RYR2: variants seen among roughly 807,000 people sequenced by gnomAD.
RYR2 encodes the protein ryanodine receptor 2.
Under a neutral mutation model 601.1 loss-of-function variants are expected in RYR2, and 227 were observed. The ratio of observed to expected loss-of-function variants is 0.38; its 90% confidence interval spans 0.34 to 0.42. The LOEUF is 0.42. Among genes scored for constraint, RYR2 ranks in the 10% least tolerant of loss-of-function variants. The pLI is 1.00. For synonymous variants in RYR2, 2,223 were observed against 2,175.1 expected, an observed-to-expected ratio of 1.02 and a Z score of -0.61; for missense variants, 4,646 against 6,156.5, an observed-to-expected ratio of 0.75 and a Z score of 8.21.
chr1:237,204,515 A>G (rs1433553598), intron 1 of RYR2, among the ~76,000 whole-genome samples: 5 of 146,818 alleles, frequency 3.4e-5, no homozygotes, highest in South Asian at 2.1e-4. Context: ...AAAAAAAAAA[A>G]AAAGAAAGAA....
chr1:237,615,690 C>A (rs1384403205), intron 37 of RYR2, among the ~76,000 whole-genome samples: 1 of 152,146 alleles, frequency 6.6e-6, no homozygotes, highest in Admixed American at 6.5e-5. Flanking sequence ...AGGGGAAACA[C>A]AAGTGAACCC....
At chr1:237,823,231 C>A (rs966023571) in intron 101 of RYR2, among the ~76,000 whole-genome samples, 6 of 152,202 alleles carry the variant, frequency 3.9e-5, no homozygotes, top group African/African-American at 1.4e-4. Flanking sequence ...AATATACATT[C>A]TTCTCAGCAC....
intron 27 of RYR2, among the ~76,000 whole-genome samples, chr1:237,565,157 C>CTCTT (rs771045857): frequency 0.016 from 851 of 52,768 alleles, 14 homozygotes; most frequent in Middle Eastern, 0.039. Context: ...TTCTTTCTTT[C>CTCTT]TCTTTCTTTC....
chr1:237,769,185 A>G (rs1047808807), intron 84 of RYR2, among the ~76,000 whole-genome samples: 1 of 152,206 alleles, frequency 6.6e-6, no homozygotes, highest in African/African-American at 2.4e-5. Flanking sequence ...GGAAAGAATC[A>G]ATAAGCCTAT....
chr1:237,454,391 G>T lies in RYR2; in HGVS notation c.1293G>T (p.Arg431Ser). ...STVFLFNRFI[R>S]GLDALSKKAK... ...GAGAAATGTTTATGGTTTATTTTAGGGGCCTTGATGCTCTCAGCAAGAAAG... is the reference window on the plus strand; with the variant it reads ...GAGAAATGTTTATGGTTTATTTTAGTGGCCTTGATGCTCTCAGCAAGAAAG... The change falls in exon 15 of 105, where the codon AGG (arginine) becomes AGT (serine). Residue 431 changes from arginine to serine, a missense_variant and splice_region_variant. Arg to Ser is a moderately radical substitution (Grantham distance 110). Transcript: ENST00000366574. 6.3e-7 allele frequency: 1 copy of T among 1,594,270 alleles called. No individual in the cohort carries two copies. Among genetic ancestry groups the T allele is most frequent in the Non-Finnish European group, 8.5e-7 (1 of 1,172,636 alleles).
chr1:237,201,749 G>C (rs1681217492), intron 1 of RYR2, among the ~76,000 whole-genome samples: 1 of 152,088 alleles, frequency 6.6e-6, no homozygotes, highest in African/African-American at 2.4e-5. Context: ...TCCTCCTGTG[G>C]CTCTCTGATG....
chr1:237,224,060 A>G (rs1411486591), intron 1 of RYR2, among the ~76,000 whole-genome samples: 2 of 152,204 alleles, frequency 1.3e-5, no homozygotes, highest in Non-Finnish European at 2.9e-5. Flanking sequence ...CTTGTGGGAC[A>G]AGATAATAGT....
intron 14 of RYR2, among the ~76,000 whole-genome samples, chr1:237,451,343 C>CG (rs1658086717): frequency 6.6e-6 from 1 of 151,682 alleles, no homozygotes; most frequent in Admixed American, 6.6e-5. Context: ...AGGCTGAAGC[C>CG]GGCACATCAC....
Position 237,659,972 on chromosome 1 carries a change from G to C in RYR2, c.8209-13G>C, listed in dbSNP as rs759582222. 12 of 1,552,798 alleles carry C rather than the reference G, an allele frequency of 7.7e-6. No individual in the cohort carries two copies. In the Admixed American group the frequency reaches 2.4e-4, roughly 30 times the overall value. ...ACGTGTAAAACAATTTTTAATGTTTGCCTTTTTTTAAGTTGGCAAATGGAT... is the reference window on the plus strand; with the variant it reads ...ACGTGTAAAACAATTTTTAATGTTTCCCTTTTTTTAAGTTGGCAAATGGAT... On this transcript the variant is annotated splice_polypyrimidine_tract_variant and intron_variant, in intron 54 of 104. Transcript: ENST00000366574.
chr1:237,510,201 A>G (rs1194745928), intron 23 of RYR2, among the ~76,000 whole-genome samples: 5 of 152,188 alleles, frequency 3.3e-5, no homozygotes, highest in Admixed American at 6.5e-5. Flanking sequence ...GGCGACTCAG[A>G]GCCCCGCAGT....
At chr1:237,706,588 C>T (rs937433796) in intron 67 of RYR2, among the ~76,000 whole-genome samples, 10 of 151,986 alleles carry the variant, frequency 6.6e-5, no homozygotes, top group Admixed American at 5.2e-4. Context: ...TTGGTGGAGC[C>T]GTGAGTGGGG....
intron 62 of RYR2, 84 bp from the exon 63 acceptor site, chr1:237,687,371 T>C: frequency 1.6e-6 from 1 of 623,150 alleles, no homozygotes; most frequent in Non-Finnish European, 2.6e-6. Flanking sequence ...TTCTTCTTTT[T>C]TTTTTTTTTT....
chr1:237,805,913 T>C (rs1480197061), intron 98 of RYR2, among the ~76,000 whole-genome samples: 1 of 152,186 alleles, frequency 6.6e-6, no homozygotes, highest in Non-Finnish European at 1.5e-5. Context: ...ACTTTGTATC[T>C]TTTAACAAAT....
intron 41 of RYR2, among the ~76,000 whole-genome samples, chr1:237,630,368 G>T (rs1438741659): frequency 6.6e-6 from 1 of 152,058 alleles, no homozygotes; most frequent in Non-Finnish European, 1.5e-5. Flanking sequence ...AGTTTGTTCT[G>T]GCATGAAATA....
chr1:237,754,599 T>C (rs1010907123), intron 80 of RYR2, among the ~76,000 whole-genome samples: 1 of 152,188 alleles, frequency 6.6e-6, no homozygotes, highest in Non-Finnish European at 1.5e-5. Flanking sequence ...GAGCGAATAA[T>C]TTCTTATCAT....
intron 10 of RYR2, among the ~76,000 whole-genome samples, chr1:237,409,342 T>A (rs1704210142): frequency 6.6e-6 from 1 of 152,114 alleles, no homozygotes; most frequent in Non-Finnish European, 1.5e-5. Flanking sequence ...CTTCTATTCC[T>A]CATTGGCTGA....
At chr1:237,401,302 G>A (rs1004645799) in intron 10 of RYR2, among the ~76,000 whole-genome samples, 1 of 152,098 alleles carries the variant, frequency 6.6e-6, no homozygotes, top group East Asian at 1.9e-4. Flanking sequence ...AGCACAGACT[G>A]CACAAGTTAT....
At chr1:237,480,145 A>C (rs1661873746) in intron 17 of RYR2, among the ~76,000 whole-genome samples, 1 of 152,098 alleles carries the variant, frequency 6.6e-6, no homozygotes, top group Non-Finnish European at 1.5e-5. Flanking sequence ...CTGGCGGGGC[A>C]TGGTGGCTCA....
At chr1:237,796,627 C>T (rs1659263913) in intron 96 of RYR2, among the ~76,000 whole-genome samples, 1 of 152,084 alleles carries the variant, frequency 6.6e-6, no homozygotes, top group African/African-American at 2.4e-5. Context: ...TCATTCACTT[C>T]AATCTTGTTC....
Sources: gnomAD v4.1 joint callset for allele counts (sites outside exome capture counted in the v4.1 genomes callset) on GRCh38, gnomAD v4.1.1 for gene constraint, MANE v1.5 for transcripts, NCBI Gene and HGNC (gene_info 2026-07-23, HGNC 2026-07-21) for gene names.